Variants in HEATR5A observed in about 807,000 individuals in gnomAD.
HEATR5A encodes HEAT repeat-containing protein 5A.
Under a neutral mutation model 218.8 loss-of-function variants are expected in HEATR5A, and 178 were observed. The observed-to-expected ratio is 0.81, with a 90% confidence interval of 0.72 to 0.92. The LOEUF (loss-of-function observed/expected upper bound fraction) is 0.92. Among genes scored for constraint, HEATR5A ranks in the 40% least tolerant of loss-of-function variants. The probability of loss-of-function intolerance (pLI) is 0.00; values close to 1 mark genes in which losing one functional copy is unlikely to be tolerated. For missense variants in HEATR5A, 2,420 were observed against 2,418.9 expected (o/e 1.00, Z -0.01); for synonymous variants, 864 against 871.6 (o/e 0.99, Z 0.15).
intron 16 of HEATR5A, 72 bp from the exon 17 acceptor site, chr14:31,350,789 TTTGTTTGA>T: frequency 1.2e-6 from 1 of 841,258 alleles, no homozygotes; most frequent in Non-Finnish European, 1.9e-6. Flanking sequence ...TGTTTGTTTG[TTTGTTTGA>T]GACGGAGTCT....
chr14:31,351,649 T>C (rs1362666667), intron 16 of HEATR5A, among the ~76,000 whole-genome samples: 2 of 152,198 alleles, frequency 1.3e-5, no homozygotes, highest in East Asian at 3.8e-4. Context: ...CAAAGAGCTA[T>C]GGTGCTTCTG....
intron 17 of HEATR5A, 48 bp downstream of exon 17, chr14:31,350,564 T>C (rs1353340397): frequency 1.6e-5 from 17 of 1,071,044 alleles, no homozygotes; most frequent in Non-Finnish European, 2.3e-5. Flanking sequence ...TGGCTACAAA[T>C]TTTTTAAAAA....
intron 28 of HEATR5A, among the ~76,000 whole-genome samples, chr14:31,312,566 C>A (rs888997180): frequency 6.6e-6 from 1 of 151,988 alleles, no homozygotes; most frequent in Non-Finnish European, 1.5e-5. Context: ...GCACTCACCA[C>A]AACACTTGGC....
intron 33 of HEATR5A, among the ~76,000 whole-genome samples, chr14:31,298,237 A>G (rs569986900): frequency 6.6e-6 from 1 of 151,102 alleles, no homozygotes; most frequent in South Asian, 2.1e-4. Flanking sequence ...GTCAGATAAT[A>G]TAATATGTGT....
intron 13 of HEATR5A, among the ~76,000 whole-genome samples, chr14:31,366,214 T>C (rs1595142009): frequency 1.3e-5 from 2 of 152,064 alleles, no homozygotes; most frequent in Admixed American, 6.6e-5. Flanking sequence ...TTTGAGGATA[T>C]GGTGAGCTAT....
At chr14:31,353,543 C>G (rs1901307543) in intron 16 of HEATR5A, among the ~76,000 whole-genome samples, 1 of 151,972 alleles carries the variant, frequency 6.6e-6, no homozygotes, top group African/African-American at 2.4e-5. Flanking sequence ...CGAGACCAGC[C>G]TAGGCAACAT....
At chr14:31,394,751 G>C (rs1202589013) in intron 5 of HEATR5A, among the ~76,000 whole-genome samples, 1 of 152,162 alleles carries the variant, frequency 6.6e-6, no homozygotes, top group Non-Finnish European at 1.5e-5. Context: ...CCGGGAGGCA[G>C]AGCTTGCAGT....
At chr14:31,397,614 G>A (rs1233519962) in intron 4 of HEATR5A, among the ~76,000 whole-genome samples, 2 of 150,094 alleles carry the variant, frequency 1.3e-5, no homozygotes, top group African/African-American at 2.5e-5. Context: ...AGCTGAGATC[G>A]CGCCATTGCA....
chr14:31,302,306 C>A lies in HEATR5A; in HGVS notation c.5453G>T (p.Cys1818Phe), dbSNP rs371676572. 1.3e-6 allele frequency: 2 copies of A among 1,592,398 alleles called. No individual in the cohort carries two copies. Among genetic ancestry groups the A allele is most frequent in the Non-Finnish European group, 1.7e-6 (2 of 1,168,538 alleles). ...ATAGCCTCAATTACCTGGATCCCAA[C>A]AGTCAAGAATTGTTGTTAAGGCACT... ...LRSALTTILD[C>F]WDPVDETHQE... Residue 1818 changes from cysteine to phenylalanine, a missense_variant, in exon 33 of 36, where the codon TGT (cysteine) becomes TTT (phenylalanine). Transcript: ENST00000543095.
chr14:31,308,325 T>C (rs1379703309), intron 29 of HEATR5A, among the ~76,000 whole-genome samples: 4 of 151,974 alleles, frequency 2.6e-5, no homozygotes, highest in African/African-American at 7.3e-5. Context: ...CTGACCAACA[T>C]GGAGAAACCC....
intron 28 of HEATR5A, among the ~76,000 whole-genome samples, chr14:31,311,063 AACC>A: frequency 6.6e-6 from 1 of 151,552 alleles, no homozygotes; most frequent in East Asian, 1.9e-4. Context: ...CCAACCAACC[AACC>A]AACCAACCAA....
Position 31,400,280 on chromosome 14 carries a change from CTGTTT to C in HEATR5A, c.338+16_338+20del, listed in dbSNP as rs758173517. ...AGGAAGCAATATTTTGTTTTCTGTT[CTGTTT>C]TAATGTTTCACTTACAGCTTAGTGG... On this transcript the variant is annotated intron_variant, in intron 3 of 35. Coordinates refer to ENST00000543095, the MANE Select transcript of HEATR5A (RefSeq NM_015473.4). 4.1e-5 allele frequency: 60 copies of C among 1,467,202 alleles called. 1 individual carries two copies. The highest frequency in any genetic ancestry group is 3.4e-4 in the South Asian group (28 of 81,476). The allele number at this position is 1,467,202 out of a possible 1,614,324, so 90.9% of individuals were successfully genotyped here. A position where few individuals can be genotyped will look rare whatever the true frequency, so the allele number is the denominator to read the frequency against.
rs2030829076 is a variant in HEATR5A, at chr14:31,400,460, A to T, written c.179T>A (p.Leu60Ter). 6.5e-7 allele frequency: 1 copy of T among 1,536,018 alleles called. No individual in the cohort carries two copies. The highest frequency in any genetic ancestry group is 8.7e-7 in the Non-Finnish European group (1 of 1,146,834). The change falls in exon 3 of 36, where the codon TTG becomes TAG. Residue 60 changes from leucine (L) to a stop codon, truncating the protein, a stop_gained. Transcript: ENST00000543095. LOFTEE classifies it high-confidence loss of function. ...KTLVEQLLSL[L>*]NSSPGPPTRK... ...GGTAGGAGGCCCTGGGGAGCTGTTC[A>T]ACAAAGACAGGAGCTGTTCAACAAG...
At chr14:31,305,216 C>G in intron 31 of HEATR5A, 39 bp from the exon 32 acceptor site, 1 of 1,589,130 alleles carries the variant, frequency 6.3e-7, no homozygotes, top group Non-Finnish European at 8.5e-7. Context: ...TGTGCTTGCT[C>G]TGCTTCTGGT....
intron 16 of HEATR5A, 139 bp downstream of exon 16, chr14:31,358,498 G>T: frequency 2.7e-6 from 2 of 754,524 alleles, no homozygotes; most frequent in Non-Finnish European, 4.3e-6. Context: ...TTAGCCAAGT[G>T]AATAATTAAA....
chr14:31,374,790 G>A, intron 12 of HEATR5A, 26 bp downstream of exon 12: 1 of 1,587,656 alleles, frequency 6.3e-7, no homozygotes. Context: ...AAAGGAAAGG[G>A]AGAGAAAAGA....
chr14:31,305,641 T>G (rs1036926497), intron 31 of HEATR5A, among the ~76,000 whole-genome samples: 2 of 152,206 alleles, frequency 1.3e-5, no homozygotes, highest in Non-Finnish European at 2.9e-5. Context: ...AGTAATCATC[T>G]TTATTATGAC....
At chr14:31,336,896 A>T (rs1177200360) in intron 22 of HEATR5A, among the ~76,000 whole-genome samples, 5 of 152,222 alleles carry the variant, frequency 3.3e-5, no homozygotes, top group Non-Finnish European at 5.9e-5. Context: ...GAGTGTACTT[A>T]CCCAAACCTA....
At chr14:31,342,850 A>T (rs1468629954) in intron 21 of HEATR5A, among the ~76,000 whole-genome samples, 1 of 152,224 alleles carries the variant, frequency 6.6e-6, no homozygotes, top group Non-Finnish European at 1.5e-5. Context: ...GGGATAATCT[A>T]CACGACAGAT....
Sources: gnomAD v4.1 joint callset for allele counts (sites outside exome capture counted in the v4.1 genomes callset) on GRCh38, gnomAD v4.1.1 for gene constraint, MANE v1.5 for transcripts, NCBI Gene and HGNC (gene_info 2026-07-23, HGNC 2026-07-21) for gene names.